The following MARCHF8 variants were observed in gnomAD, a reference collection of about 807,000 sequenced individuals.
MARCHF8 encodes the protein membrane associated ring-CH-type finger 8, also known as E3 ubiquitin-protein ligase MARCHF8.
Under a neutral mutation model 51.6 loss-of-function variants are expected in MARCHF8, and 40 were observed. The observed-to-expected ratio is 0.77, with a 90% confidence interval of 0.60 to 1.01. The LOEUF is 1.01. MARCHF8 is among the 50% of genes least tolerant of loss of function. MARCHF8 has a pLI of 0.00. For synonymous variants in MARCHF8, 263 were observed against 280.3 expected, an observed-to-expected ratio of 0.94 and a Z score of 0.62; for missense variants, 685 against 708.6, an observed-to-expected ratio of 0.97 and a Z score of 0.38.
At chr10:45,515,492 T>G (rs991897484) in intron 2 of MARCHF8, among the ~76,000 whole-genome samples, 2 of 152,244 alleles carry the variant, frequency 1.3e-5, no homozygotes, top group African/African-American at 4.8e-5. Context: ...ATTTTCCCTT[T>G]TCACCTTCTT....
At chr10:45,549,289 A>G (rs1332450331) in intron 1 of MARCHF8, among the ~76,000 whole-genome samples, 1 of 152,170 alleles carries the variant, frequency 6.6e-6, no homozygotes, top group Non-Finnish European at 1.5e-5. Context: ...TTCTCTTGCT[A>G]TGTAACAAAC....
At chr10:45,572,332 C>A (rs906526497) in intron 1 of MARCHF8, among the ~76,000 whole-genome samples, 3 of 152,116 alleles carry the variant, frequency 2.0e-5, no homozygotes, top group Admixed American at 1.3e-4. Context: ...TCTGGACTTG[C>A]CTCCTTCACT....
chr10:45,549,006 AAAAAG>A (rs1188380596), intron 1 of MARCHF8, among the ~76,000 whole-genome samples: 1 of 151,864 alleles, frequency 6.6e-6, no homozygotes, highest in East Asian at 1.9e-4. Context: ...AAAAAAAAAA[AAAAAG>A]AAAGAAAAGA....
At chr10:45,499,251 T>C (rs2043232532) in intron 2 of MARCHF8, among the ~76,000 whole-genome samples, 1 of 152,208 alleles carries the variant, frequency 6.6e-6, no homozygotes, top group African/African-American at 2.4e-5. Context: ...TATATCCTCT[T>C]TGGAAAAGTG....
At chr10:45,540,189 G>A (rs534438201), upstream of MARCHF8, among the ~76,000 whole-genome samples, 2 of 152,192 alleles carry the variant, frequency 1.3e-5, no homozygotes, top group East Asian at 3.9e-4. Flanking sequence ...TCACAGAATT[G>A]GAAAAAGCTA....
intron 2 of MARCHF8, among the ~76,000 whole-genome samples, chr10:45,502,884 T>C (rs370517644): frequency 5.7e-4 from 87 of 152,250 alleles, no homozygotes; most frequent in South Asian, 5.0e-3. Flanking sequence ...ACAAAAACAA[T>C]TGACTATTCT....
chr10:45,459,065 C>T (rs1842701411), intron 7 of MARCHF8, 55 bp downstream of exon 7: 2 of 1,604,156 alleles, frequency 1.2e-6, no homozygotes, highest in South Asian at 1.1e-5. Flanking sequence ...GACCCCAGGA[C>T]TCCTGTGAGC....
chr10:45,543,567 G>A (rs1242251903), intron 1 of MARCHF8, among the ~76,000 whole-genome samples: 2 of 152,240 alleles, frequency 1.3e-5, no homozygotes, highest in East Asian at 3.9e-4. Context: ...GGGAGGCCGA[G>A]GCAGGCGGAT....
At chr10:45,593,959 GT>G in intron 1 of MARCHF8, among the ~76,000 whole-genome samples, 1 of 152,304 alleles carries the variant, frequency 6.6e-6, no homozygotes, top group South Asian at 2.1e-4. Flanking sequence ...GGTAGTTAGC[GT>G]GGGGATGGGT....
intron 1 of MARCHF8, among the ~76,000 whole-genome samples, chr10:45,580,070 T>C (rs1198585337): frequency 1.0e-5 from 1 of 99,816 alleles, no homozygotes; most frequent in African/African-American, 3.9e-5. Flanking sequence ...CTGAAAGAAA[T>C]AATCTAAACT....
intron 2 of MARCHF8, among the ~76,000 whole-genome samples, chr10:45,513,773 G>A (rs1402327359): frequency 2.0e-5 from 3 of 152,086 alleles, no homozygotes; most frequent in Non-Finnish European, 4.4e-5. Flanking sequence ...ACACACACAC[G>A]TGGGAAATAA....
intron 1 of MARCHF8, among the ~76,000 whole-genome samples, chr10:45,569,909 T>A (rs1439388214): frequency 2.6e-5 from 4 of 152,052 alleles, no homozygotes; most frequent in Non-Finnish European, 5.9e-5. Context: ...CTTTTGAATA[T>A]AAAGACACGG....
At chr10:45,561,976 T>C (rs2133368402) in intron 1 of MARCHF8, among the ~76,000 whole-genome samples, 2 of 138,982 alleles carry the variant, frequency 1.4e-5, no homozygotes, top group Middle Eastern at 3.7e-3. Flanking sequence ...TTTCAAACAA[T>C]AAAACATTGC....
At chr10:45,583,823 G>C (rs1360151520) in intron 1 of MARCHF8, among the ~76,000 whole-genome samples, 1 of 151,614 alleles carries the variant, frequency 6.6e-6, no homozygotes, top group Non-Finnish European at 1.5e-5. Flanking sequence ...TGTCAGATTG[G>C]ATAAAAGCAG....
intron 1 of MARCHF8, among the ~76,000 whole-genome samples, chr10:45,586,117 CAA>C: frequency 6.6e-6 from 1 of 152,078 alleles, no homozygotes; most frequent in East Asian, 1.9e-4. Context: ...GAAGTTCTGA[CAA>C]AAGTGTATAA....
chr10:45,466,752 C>T (rs189882954), intron 3 of MARCHF8, among the ~76,000 whole-genome samples: 14 of 152,224 alleles, frequency 9.2e-5, no homozygotes, highest in Admixed American at 2.0e-4. Flanking sequence ...GTCCTGGGTC[C>T]GGGAGGCAGG....
Position 45,461,348 on chromosome 10 carries a change from G to T in MARCHF8, c.1152C>A (p.Ser384Arg). 1 of 1,607,070 alleles carries T rather than the reference G, an allele frequency of 6.2e-7. No individual in the cohort carries two copies. Among genetic ancestry groups the T allele is most frequent in the Non-Finnish European group, 8.5e-7 (1 of 1,177,166 alleles). The change falls in exon 6 of 8, where the codon AGC becomes AGA. Residue 384 changes from serine to arginine, a missense_variant. Physicochemically the swap from Ser to Arg is moderately radical, Grantham distance 110. Transcript: ENST00000453424. Reference sequence around the variant, plus strand: ...GGCAGGCCTGGTGCACGAAGTGGAGGCTTCCTGTGCAGTGGCAGGGGGTGA... The same window carrying T: ...GGCAGGCCTGGTGCACGAAGTGGAGTCTTCCTGTGCAGTGGCAGGGGGTGA... ...PLITPCHCTG[S>R]LHFVHQACLQ...
intron 6 of MARCHF8, among the ~76,000 whole-genome samples, chr10:45,460,900 G>C (rs1419548372): frequency 6.6e-6 from 1 of 152,190 alleles, no homozygotes; most frequent in Admixed American, 6.5e-5. Flanking sequence ...CAGAGAAGCA[G>C]GACGTCAACA....
intron 2 of MARCHF8, among the ~76,000 whole-genome samples, chr10:45,516,534 T>C (rs1325655324): frequency 1.3e-5 from 2 of 152,042 alleles, no homozygotes; most frequent in African/African-American, 4.8e-5. Flanking sequence ...GAGGCCAAGG[T>C]GGGTGGATCA....
Sources: gnomAD v4.1 joint callset for allele counts (sites outside exome capture counted in the v4.1 genomes callset) on GRCh38, gnomAD v4.1.1 for gene constraint, MANE v1.5 for transcripts, NCBI Gene and HGNC (gene_info 2026-07-23, HGNC 2026-07-21) for gene names.